The following RBKS variants were observed in gnomAD, a reference collection of about 807,000 sequenced individuals.
RBKS encodes the protein ribokinase.
RBKS carries 33 observed loss-of-function variants against 33.9 expected under a neutral mutation model. That is an observed-to-expected ratio of 0.97 (90% CI 0.74 to 1.30). RBKS has a LOEUF of 1.30. RBKS is among the 50% of genes most tolerant of loss of function. RBKS has a pLI of 0.00. For synonymous variants in RBKS, 125 were observed against 143.0 expected (o/e 0.87, Z 0.90); for missense variants, 361 against 392.6 (o/e 0.92, Z 0.68).
rs149816951 is a variant in RBKS at position 27,847,418 on chromosome 2, C to A, written c.287-314G>T. ...TTTTCTAGACCAACACACTTATGTT[C>A]TTCATTGAAAGGAATGTCAGAGTTG... On this transcript the variant is annotated intron_variant, in intron 3 of 7. Coordinates refer to ENST00000302188, the MANE Select transcript of RBKS (RefSeq NM_022128.3). 1.3e-3 allele frequency among the ~76,000 whole-genome samples: 193 copies of A among 152,288 alleles called. 1 individual carries two copies. The highest frequency in any genetic ancestry group is 4.3e-3 in the African/African-American group (180 of 41,572).
intron 1 of RBKS, among the ~76,000 whole-genome samples, chr2:27,884,826 G>A (rs532708179): frequency 3.3e-4 from 50 of 152,296 alleles, no homozygotes; most frequent in Admixed American, 9.8e-4. Context: ...TATTAAGCAC[G>A]TCTCAAAGCA....
intron 1 of RBKS, among the ~76,000 whole-genome samples, chr2:27,887,137 A>G (rs1664549733): frequency 6.6e-6 from 1 of 152,222 alleles, no homozygotes; most frequent in Non-Finnish European, 1.5e-5. Flanking sequence ...TGTAATCACA[A>G]GAGTTCTTAT....
rs1331734488 is a variant in RBKS, at chr2:27,789,903, GTGTGTGTGTGTGTT to G, written c.796-8129_796-8116del. ...GTGTGTGTGTGTGTGTGTATAGAGT[GTGTGTGTGTGTGTT>G]TGTGTGTGTATATATATATATATGT... is the stretch of plus-strand genomic sequence containing the variant. On this transcript the variant is annotated intron_variant, in intron 7 of 7. Coordinates refer to ENST00000302188, the MANE Select transcript of RBKS (RefSeq NM_022128.3). 2.1e-3 allele frequency among the ~76,000 whole-genome samples: 268 copies of G among 126,630 alleles called. 1 individual carries two copies. The highest frequency in any genetic ancestry group is 2.7e-3 in the Non-Finnish European group (169 of 63,536). The allele number at this position is 126,630 out of a possible 152,430, so 83.1% of individuals were successfully genotyped here.
At chr2:27,805,352 C>A (rs1178699713) in intron 7 of RBKS, among the ~76,000 whole-genome samples, 2 of 152,222 alleles carry the variant, frequency 1.3e-5, no homozygotes, top group East Asian at 3.9e-4. Flanking sequence ...TAATGTGTGG[C>A]AATGAGCACT....
intron 5 of RBKS, 93 bp from the exon 6 acceptor site, chr2:27,832,870 C>T (rs1038378623): frequency 2.1e-5 from 17 of 828,610 alleles, no homozygotes; most frequent in Admixed American, 1.6e-4. Flanking sequence ...TCCCCGAGTT[C>T]GTTTTTGTCT....
At chr2:27,809,888 C>T (rs766074500) in intron 7 of RBKS, 3 of 1,276,662 alleles carry the variant, frequency 2.3e-6, no homozygotes, top group African/African-American at 3.1e-5. Context: ...AGTAATTAGT[C>T]ATTGCACAAT....
intron 1 of RBKS, among the ~76,000 whole-genome samples, chr2:27,866,311 C>CT (rs538229728): frequency 2.0e-5 from 3 of 152,054 alleles, no homozygotes; most frequent in Admixed American, 6.5e-5. Flanking sequence ...TAATGTGTAC[C>CT]TTTTTTTTCT....
At chr2:27,883,427 C>T (rs1664460574) in intron 1 of RBKS, among the ~76,000 whole-genome samples, 1 of 152,124 alleles carries the variant, frequency 6.6e-6, no homozygotes, top group South Asian at 2.1e-4. Context: ...TCTCGATCTC[C>T]TGACCTCGTG....
At chr2:27,791,028 T>A (rs1411865790) in intron 7 of RBKS, among the ~76,000 whole-genome samples, 2 of 152,186 alleles carry the variant, frequency 1.3e-5, no homozygotes, top group Non-Finnish European at 2.9e-5. Context: ...CCAGATGTTG[T>A]AGAACTGAAG....
At chr2:27,804,934 G>C (rs1677867524) in intron 7 of RBKS, among the ~76,000 whole-genome samples, 1 of 152,036 alleles carries the variant, frequency 6.6e-6, no homozygotes, top group African/African-American at 2.4e-5. Context: ...GGTTGAGGTG[G>C]GAGGATTGTT....
chr2:27,820,848 C>T (rs1353985960), intron 7 of RBKS, among the ~76,000 whole-genome samples: 1 of 152,082 alleles, frequency 6.6e-6, no homozygotes, highest in Non-Finnish European at 1.5e-5. Context: ...CAAGACCAGC[C>T]TGACCAACAT....
intron 1 of RBKS, chr2:27,869,781 GTTGT>G (rs574714324): frequency 3.6e-4 from 61 of 167,506 alleles, no homozygotes; most frequent in South Asian, 3.3e-3. Context: ...CCTGAAGTGT[GTTGT>G]TTATGTCCAG....
intron 4 of RBKS, among the ~76,000 whole-genome samples, chr2:27,843,858 G>C: frequency 6.6e-6 from 1 of 152,166 alleles, no homozygotes; most frequent in East Asian, 1.9e-4. Flanking sequence ...ACCTGAATGA[G>C]GCAGGGGTGG....
Position 27,890,352 on chromosome 2 carries a change from A to G in RBKS, c.-7T>C, listed in dbSNP as rs776735951. 25 of 1,612,496 alleles carry G rather than the reference A, an allele frequency of 1.6e-5. No individual in the cohort carries two copies. Among genetic ancestry groups the G allele is most frequent in the South Asian group, 1.1e-5 (1 of 91,012 alleles). ...GTTCCCCAGACGCCGCCATCGCTCA[A>G]AGGTGCTGCTGTCCAACCTGGACGG... is the stretch of plus-strand genomic sequence containing the variant. On this transcript the variant is annotated 5_prime_UTR_variant, in exon 1 of 8. Transcript: ENST00000302188. The surrounding 1 kb of genome is among the most constrained non-coding windows in gnomAD (Gnocchi z 4.8).
chr2:27,886,036 G>A (rs1365215005), intron 1 of RBKS, among the ~76,000 whole-genome samples: 1 of 152,174 alleles, frequency 6.6e-6, no homozygotes, highest in Admixed American at 6.5e-5. Flanking sequence ...TAAGACCAGG[G>A]TTGATTCCTT....
intron 7 of RBKS, among the ~76,000 whole-genome samples, chr2:27,804,116 A>G (rs1488025256): frequency 6.6e-6 from 1 of 152,218 alleles, no homozygotes. Flanking sequence ...TGCATGCAGC[A>G]AAGTTTTGAT....
intron 1 of RBKS, among the ~76,000 whole-genome samples, chr2:27,859,725 T>C (rs886934755): frequency 3.3e-5 from 5 of 152,010 alleles, no homozygotes; most frequent in Non-Finnish European, 5.9e-5. Flanking sequence ...TAGCTTTAGA[T>C]AGGAAAGAAA....
At chr2:27,847,216 A>G (rs1031529051) in intron 3 of RBKS, 112 bp from the exon 4 acceptor site, 17 of 601,384 alleles carry the variant, frequency 2.8e-5, no homozygotes, top group African/African-American at 2.1e-4. Context: ...ACCTTTAACC[A>G]TCTGGAATGA....
intron 1 of RBKS, among the ~76,000 whole-genome samples, chr2:27,880,470 A>G (rs1030089486): frequency 2.0e-5 from 3 of 152,200 alleles, no homozygotes; most frequent in South Asian, 2.1e-4. Context: ...GTAGGAAGAG[A>G]GGAAGTCAAA....
Sources: allele counts gnomAD v4.1 joint callset (sites outside exome capture counted in the v4.1 genomes callset), GRCh38; gene constraint gnomAD v4.1.1; non-coding constraint Gnocchi (gnomAD v3.1); transcripts MANE v1.5; gene names NCBI Gene and HGNC (gene_info 2026-07-23, HGNC 2026-07-21).